Variants in ABL1 observed in about 807,000 individuals in gnomAD.
ABL1 encodes tyrosine-protein kinase ABL1.
ABL1 carries 11 observed loss-of-function variants against 94.7 expected under a neutral mutation model. The ratio of observed to expected loss-of-function variants is 0.12; its 90% CI spans 0.07 to 0.19. The LOEUF is 0.19. Ranked by LOEUF, ABL1 falls within the 10% of genes least tolerant of loss-of-function variation. The pLI is 1.00. For missense variants in ABL1, 1,082 were observed against 1,489.4 expected (o/e 0.73, Z 4.50); for synonymous variants, 656 against 622.4 (o/e 1.05, Z -0.80).
chr9:130,797,207 G>A (rs192699585), intron 1 of ABL1, among the ~76,000 whole-genome samples: 314 of 119,916 alleles, frequency 2.6e-3, no homozygotes, highest in African/African-American at 9.4e-3. Flanking sequence ...CTGCATTCGA[G>A]CCTGGGCGAC....
intron 1 of ABL1, among the ~76,000 whole-genome samples, chr9:130,816,532 C>CTT (rs539346886): frequency 7.0e-6 from 1 of 143,216 alleles, no homozygotes. Context: ...ACCCATTCCT[C>CTT]TTTTTTTTTT....
At position 130,875,030 on chromosome 9, in the gene ABL1, C is replaced by T. The variant is rs2133003753; in HGVS notation, c.1248C>T (p.Phe416=). The T allele has an allele frequency of 3.7e-6, 6 of 1,614,220 alleles. No homozygotes were observed. The highest frequency in any genetic ancestry group is 5.1e-6 in the Non-Finnish European group (6 of 1,180,036). Residue 416 remains phenylalanine (F), a synonymous_variant, in exon 7 of 11, where the codon TTC becomes TTT. Transcript: ENST00000318560. ...TAPESLAYNK[F]SIKSDVWAFG... is the part of the protein sequence containing the mutation. ...CCGAGAGCCTGGCCTACAACAAGTT[C>T]TCCATCAAGTCCGACGTCTGGGGTA...
intron 10 of ABL1, among the ~76,000 whole-genome samples, chr9:130,881,611 C>A (rs1831455317): frequency 6.6e-6 from 1 of 152,052 alleles, no homozygotes; most frequent in African/African-American, 2.4e-5. Context: ...TCCACCTGAC[C>A]CCACCGTTGA....
At chr9:130,875,111 C>T (rs970081007) in intron 7 of ABL1, 59 bp downstream of exon 7, 22 of 1,518,696 alleles carry the variant, frequency 1.4e-5, no homozygotes, top group Non-Finnish European at 1.9e-5. Context: ...TTTTTTTCTG[C>T]CTCTTTCTTG....
At chr9:130,806,502 A>T (rs1830126967) in intron 1 of ABL1, among the ~76,000 whole-genome samples, 1 of 152,194 alleles carries the variant, frequency 6.6e-6, no homozygotes, top group Admixed American at 6.5e-5. Flanking sequence ...TTTAAAAAAA[A>T]TTGCATTCAC....
At chr9:130,754,441 G>A (rs1832015744) in intron 1 of ABL1, among the ~76,000 whole-genome samples, 1 of 146,536 alleles carries the variant, frequency 6.8e-6, no homozygotes, top group South Asian at 2.1e-4. Context: ...CTGGGAGGCG[G>A]AGCTTGCAGT....
At position 130,884,219 on chromosome 9, in the gene ABL1, C is replaced by G. The variant is rs140170768; in HGVS notation, c.1929C>G (p.Asn643Lys). ...AGGAAGAGGGCCGAGACATCAGCAA[C>G]GGGGCACTGGCTTTCACCCCCTTGG... The part of the protein sequence containing the change: ...AGEEEGRDIS[N>K]GALAFTPLDT... The change falls in exon 11 of 11, where the codon AAC becomes AAG. Residue 643 changes from asparagine to lysine, a missense_variant. Asn to Lys is a moderately conservative substitution (Grantham distance 94). This residue lies in a region of ABL1 where 780 missense variants were observed against 835.8 expected (regional missense o/e 0.93). Transcript: ENST00000318560. This position sits in a 1 kb window ranked among gnomAD's most constrained non-coding sequence, Gnocchi z 5.6. 1.2e-6 allele frequency: 2 copies of G among 1,608,370 alleles called. No homozygotes were observed. Among genetic ancestry groups the G allele is most frequent in the South Asian group, 2.2e-5 (2 of 90,406 alleles).
intron 1 of ABL1, among the ~76,000 whole-genome samples, chr9:130,794,754 C>T (rs1829953054): frequency 6.6e-6 from 1 of 152,116 alleles, no homozygotes; most frequent in Admixed American, 6.5e-5. Flanking sequence ...GGAGCAAGCT[C>T]TTTCTTATGC....
rs553177842 is a variant in ABL1 at position 130,744,634 on chromosome 9, C to T, written c.136+30179C>T. ...TTGGGGGGCCGAGGCAGGCGGATCA[C>T]GAGGTCAGGAGATCGAGACCATCCT... On this transcript the variant is annotated intron_variant, in intron 1 of 10. Coordinates refer to the ABL1 transcript ENST00000372348. 3.1e-3 allele frequency among the ~76,000 whole-genome samples: 459 copies of T among 150,052 alleles called. 6 individuals carry two copies. The highest frequency in any genetic ancestry group is 0.011 in the African/African-American group (439 of 40,982).
At chr9:130,853,175 T>TC (rs1476631748) in intron 1 of ABL1, among the ~76,000 whole-genome samples, 6 of 128,862 alleles carry the variant, frequency 4.7e-5, no homozygotes, top group African/African-American at 1.7e-4. Flanking sequence ...CTTTTCTTTT[T>TC]TTTTTTTTTT....
chr9:130,772,833 A>G (rs772723381), intron 1 of ABL1, among the ~76,000 whole-genome samples: 1 of 152,226 alleles, frequency 6.6e-6, no homozygotes, highest in Non-Finnish European at 1.5e-5. Context: ...AACATGATAG[A>G]CAAACTTTAG....
At chr9:130,809,838 A>G (rs910282145) in intron 1 of ABL1, among the ~76,000 whole-genome samples, 4 of 152,232 alleles carry the variant, frequency 2.6e-5, no homozygotes, top group Non-Finnish European at 4.4e-5. Context: ...GTTGACACAT[A>G]ATGTTAATCA....
chr9:130,872,709 C>T lies in ABL1; in HGVS notation c.908-151C>T. 2.8e-6 allele frequency: 2 copies of T among 704,304 alleles called. No individual in the cohort carries two copies. Among genetic ancestry groups the T allele is most frequent in the South Asian group, 2.3e-5 (1 of 43,522 alleles). The allele number at this position is 704,304 out of a possible 1,614,324, so 43.6% of individuals were successfully genotyped here. A position where few individuals can be genotyped will look rare whatever the true frequency, so the allele number is the denominator to read the frequency against. On this transcript the variant is annotated intron_variant, in intron 5 of 10. Transcript: ENST00000318560. This position sits in a 1 kb window ranked among gnomAD's most constrained non-coding sequence, Gnocchi z 5.0. Reference sequence around the variant, plus strand: ...CATGTCCCTCCCACACGAGCACAGTCTCAGGATGCAGGTGCTTGGGACCAT... The same window carrying T: ...CATGTCCCTCCCACACGAGCACAGTTTCAGGATGCAGGTGCTTGGGACCAT...
At chr9:130,867,194 G>A (rs1831170668) in intron 4 of ABL1, among the ~76,000 whole-genome samples, 1 of 152,148 alleles carries the variant, frequency 6.6e-6, no homozygotes, top group African/African-American at 2.4e-5. Flanking sequence ...TCCCACCCTC[G>A]AGTTCTGTGT....
At chr9:130,860,575 G>A (rs979046925) in intron 3 of ABL1, among the ~76,000 whole-genome samples, 17 of 152,184 alleles carry the variant, frequency 1.1e-4, no homozygotes, top group East Asian at 1.9e-4. Flanking sequence ...TTCCTGCTCC[G>A]ACGGGAGAGA....
chr9:130,732,209 A>G (rs1831675218), intron 1 of ABL1, among the ~76,000 whole-genome samples: 1 of 152,154 alleles, frequency 6.6e-6, no homozygotes, highest in African/African-American at 2.4e-5. Flanking sequence ...CCTGTTCTGT[A>G]TCAGGTACTG....
At chr9:130,870,996 C>T (rs559747507) in intron 4 of ABL1, among the ~76,000 whole-genome samples, 9 of 152,266 alleles carry the variant, frequency 5.9e-5, no homozygotes, top group East Asian at 3.9e-4. Context: ...GTCTCCCAAA[C>T]GGGCCGGAAC....
intron 1 of ABL1, among the ~76,000 whole-genome samples, chr9:130,739,519 T>C (rs1831790424): frequency 6.6e-6 from 1 of 152,132 alleles, no homozygotes; most frequent in African/African-American, 2.4e-5. Flanking sequence ...TCAAGGAAAA[T>C]TGATTCAGAA....
At chr9:130,781,886 T>G (rs1177766164) in intron 1 of ABL1, among the ~76,000 whole-genome samples, 3 of 152,132 alleles carry the variant, frequency 2.0e-5, no homozygotes, top group Admixed American at 1.3e-4. Flanking sequence ...TTTCAAGCAT[T>G]GTGACCCATA....
Sources: allele counts gnomAD v4.1 joint callset (sites outside exome capture counted in the v4.1 genomes callset), GRCh38; gene constraint gnomAD v4.1.1; regional missense constraint gnomAD v4.1.1; non-coding constraint Gnocchi (gnomAD v3.1); transcripts MANE v1.5; gene names NCBI Gene and HGNC (gene_info 2026-07-23, HGNC 2026-07-21).